CD1B: variants seen among roughly 807,000 people sequenced by gnomAD.
CD1B encodes the protein CD1b molecule.
In CD1B, 43 loss-of-function variants were observed where a neutral mutation model predicts 39.8. The observed-to-expected ratio is 1.08, with a 90% CI of 0.85 to 1.39. The LOEUF (loss-of-function observed/expected upper bound fraction) is 1.39. Ranked by LOEUF, CD1B falls within the 40% of genes most tolerant of loss-of-function variation. The pLI, the probability that CD1B is intolerant of heterozygous loss-of-function variation, is 0.00. For synonymous variants in CD1B, 192 were observed against 152.5 expected (o/e 1.26, Z -1.91); for missense variants, 495 against 403.8 (o/e 1.23, Z -1.94).
the CD1B span, among the ~76,000 whole-genome samples, chr1:158,287,469 C>G: frequency 2.6e-5 from 4 of 152,134 alleles, no homozygotes; most frequent in African/African-American, 9.7e-5. Flanking sequence ...TATAATCACA[C>G]TGAGAGTTAG....
Position 158,330,950 on chromosome 1 carries a change from C to T in CD1B, c.174G>A (p.Trp58Ter). 1 of 1,614,086 alleles carries T rather than the reference C, an allele frequency of 6.2e-7. No individual in the cohort carries two copies. Among genetic ancestry groups the T allele is most frequent in the South Asian group, 1.1e-5 (1 of 91,082 alleles). ...ATATGGCAGTGCCTGAGTCGCTATC[C>T]CAGCCATGAATCTGCAAATCATCCA... is the stretch of plus-strand genomic sequence containing the variant. ...GWLDDLQIHG[W>*]DSDSGTAIFL... The change falls in exon 2 of 6, where the codon TGG (tryptophan) becomes TGA (stop). Residue 58 changes from tryptophan to a stop codon, truncating the protein, a stop_gained. Transcript: ENST00000368168. LOFTEE classifies it high-confidence loss of function.
At chr1:158,313,362 G>T in the CD1B span, among the ~76,000 whole-genome samples, 1 of 152,112 alleles carries the variant, frequency 6.6e-6, no homozygotes, top group African/African-American at 2.4e-5. Context: ...CCAAGCTGGA[G>T]TGCAGTGGCA....
chr1:158,314,080 G>A, the CD1B span, among the ~76,000 whole-genome samples: 1 of 151,550 alleles, frequency 6.6e-6, no homozygotes, highest in African/African-American at 2.4e-5. Flanking sequence ...TTAAAAGTTT[G>A]TCAGGTTTTG....
the CD1B span, chr1:158,293,104 A>G: frequency 1.0e-6 from 1 of 959,840 alleles, no homozygotes; most frequent in Non-Finnish European, 1.6e-6. Context: ...GAAATAGGAT[A>G]ACTGATGCAA....
chr1:158,309,575 C>A, the CD1B span, among the ~76,000 whole-genome samples: 3 of 152,052 alleles, frequency 2.0e-5, no homozygotes, highest in Admixed American at 6.6e-5. Context: ...AGACTTGGAA[C>A]CAACCCAAAT....
the CD1B span, among the ~76,000 whole-genome samples, chr1:158,313,465 C>A: frequency 5.7e-3 from 875 of 152,282 alleles, 5 homozygotes; most frequent in Non-Finnish European, 7.5e-3. Flanking sequence ...CGCCCACCAC[C>A]ATTTTTGGCT....
the CD1B span, among the ~76,000 whole-genome samples, chr1:158,306,486 T>C: frequency 1.3e-5 from 2 of 151,938 alleles, no homozygotes; most frequent in Non-Finnish European, 2.9e-5. Flanking sequence ...TAATGGGAGA[T>C]TTTAACACCC....
intron 4 of CD1B, 139 bp downstream of exon 4, chr1:158,329,231 G>T: frequency 1.7e-6 from 2 of 1,163,668 alleles, no homozygotes; most frequent in Non-Finnish European, 2.4e-6. Flanking sequence ...TTTTACTCCT[G>T]TTGGGATTGG....
chr1:158,292,105 AAGCGGGCTGTG>A, the CD1B span: 13 of 1,614,026 alleles, frequency 8.1e-6, no homozygotes, highest in Non-Finnish European at 1.0e-5. Flanking sequence ...GTACAGGTGA[AAGCGGGCTGTG>A]AGCTGCATTC....
the CD1B span, among the ~76,000 whole-genome samples, chr1:158,296,970 C>T: frequency 2.0e-5 from 3 of 152,154 alleles, no homozygotes; most frequent in African/African-American, 4.8e-5. Flanking sequence ...CAAACCTGTA[C>T]TCACTGATGT....
At chr1:158,329,318 GC>G in intron 4 of CD1B, 51 bp downstream of exon 4, 1 of 1,574,700 alleles carries the variant, frequency 6.4e-7, no homozygotes, top group Non-Finnish European at 8.6e-7. Context: ...CTCCCTCTAT[GC>G]CTGAAGATCA....
At chr1:158,291,995 G>T in the CD1B span, 11 of 1,337,844 alleles carry the variant, frequency 8.2e-6, no homozygotes, top group East Asian at 2.5e-4. Flanking sequence ...AAACTTTCTT[G>T]CTTCACTTCC....
chr1:158,320,952 A>G, the CD1B span, among the ~76,000 whole-genome samples: 14 of 152,196 alleles, frequency 9.2e-5, no homozygotes, highest in African/African-American at 3.1e-4. Flanking sequence ...AGAATGTTCC[A>G]TGTACTGTGG....
At chr1:158,287,111 A>C in the CD1B span, among the ~76,000 whole-genome samples, 1 of 152,206 alleles carries the variant, frequency 6.6e-6, no homozygotes, top group Non-Finnish European at 1.5e-5. Context: ...TGCTAACACA[A>C]GGCAATCAGC....
At chr1:158,286,820 A>T in the CD1B span, among the ~76,000 whole-genome samples, 123 of 152,170 alleles carry the variant, frequency 8.1e-4, 2 homozygotes, top group East Asian at 0.023. Flanking sequence ...CTGAGGGGGA[A>T]TTTCCCATAA....
chr1:158,319,615 C>T, the CD1B span, among the ~76,000 whole-genome samples: 1 of 152,196 alleles, frequency 6.6e-6, no homozygotes, highest in Non-Finnish European at 1.5e-5. Context: ...TGAATGTCCT[C>T]CTGTAGCTCA....
the CD1B span, among the ~76,000 whole-genome samples, chr1:158,301,866 A>G: frequency 6.6e-6 from 1 of 152,198 alleles, no homozygotes; most frequent in East Asian, 1.9e-4. Context: ...CCTGGATAAC[A>G]TCATGAGCAG....
chr1:158,292,349 G>A, the CD1B span: 14 of 1,613,684 alleles, frequency 8.7e-6, no homozygotes, highest in Non-Finnish European at 1.2e-5. Context: ...CAGGGAAGAT[G>A]TATGTACACA....
chr1:158,296,482 C>T, the CD1B span, among the ~76,000 whole-genome samples: 1 of 152,344 alleles, frequency 6.6e-6, no homozygotes, highest in African/African-American at 2.4e-5. Context: ...TAAGGAACAT[C>T]AGCCCACATA....
Sources: gnomAD v4.1 joint callset for allele counts (sites outside exome capture counted in the v4.1 genomes callset) on GRCh38, gnomAD v4.1.1 for gene constraint, MANE v1.5 for transcripts, NCBI Gene and HGNC (gene_info 2026-07-23, HGNC 2026-07-21) for gene names.